The following EED variants were observed in gnomAD, a reference collection of about 807,000 sequenced individuals.
EED encodes polycomb protein EED.
Under a neutral mutation model 61.0 loss-of-function variants are expected in EED, and 9 were observed. The ratio of observed to expected loss-of-function variants is 0.15; its 90% CI spans 0.09 to 0.26. The LOEUF (loss-of-function observed/expected upper bound fraction) is 0.26. Ranked by LOEUF, EED falls within the 10% of genes least tolerant of loss-of-function variation. The pLI, the probability that EED is intolerant of heterozygous loss-of-function variation, is 1.00. For missense variants in EED, 315 were observed against 542.3 expected (o/e 0.58, Z 4.16); for synonymous variants, 187 against 174.4 (o/e 1.07, Z -0.57).
chr11:86,273,823 G>A (rs1319654133), intron 9 of EED, among the ~76,000 whole-genome samples: 1 of 152,176 alleles, frequency 6.6e-6, no homozygotes, highest in African/African-American at 2.4e-5. Context: ...CTGCTTTCAG[G>A]ATTGTTTTCT....
At chr11:86,269,663 C>T (rs545931407) in intron 9 of EED, among the ~76,000 whole-genome samples, 1 of 152,244 alleles carries the variant, frequency 6.6e-6, no homozygotes, top group South Asian at 2.1e-4. Context: ...AACTGTAATA[C>T]AATATCAAAT....
intron 2 of EED, 119 bp from the exon 3 acceptor site, chr11:86,252,029 G>T: frequency 5.1e-6 from 3 of 591,152 alleles, no homozygotes; most frequent in Non-Finnish European, 8.5e-6. Flanking sequence ...GTTAGCTTAT[G>T]TATGATACAC....
intron 4 of EED, 152 bp from the exon 5 acceptor site, chr11:86,256,235 C>A: frequency 3.2e-6 from 2 of 628,914 alleles, no homozygotes; most frequent in East Asian, 3.1e-5. Flanking sequence ...GGATTTTAGA[C>A]CTCAAATCAC....
intron 9 of EED, among the ~76,000 whole-genome samples, chr11:86,271,808 T>C (rs1946117687): frequency 6.6e-6 from 1 of 151,768 alleles, no homozygotes; most frequent in African/African-American, 2.4e-5. Context: ...TGAATATTGA[T>C]CCAGCCTTGG....
chr11:86,245,017 G>T lies in EED; in HGVS notation c.-213G>T, dbSNP rs1404769609. The T allele has an allele frequency of 4.2e-6, 2 of 472,146 alleles. No individual in the cohort carries two copies. Among genetic ancestry groups the T allele is most frequent in the South Asian group, 2.9e-5 (1 of 34,514 alleles). The allele number at this position is 472,146 out of a possible 1,614,324, so 29.2% of individuals were successfully genotyped here. ...GGGAAGGAGCCAGGAAGCCGCGCGG[G>T]AGGGCGCGCGCGCGCGCCCCTTTTT... On this transcript the variant is annotated 5_prime_UTR_variant, in exon 1 of 12. Transcript: ENST00000263360.
At chr11:86,256,186 T>C (rs1945668116) in intron 4 of EED, among the ~76,000 whole-genome samples, 1 of 152,148 alleles carries the variant, frequency 6.6e-6, no homozygotes, top group African/African-American at 2.4e-5. Context: ...TAAACAAAAT[T>C]GAGTGGAGAG....
chr11:86,284,628 C>G, the EED span: 5 of 152,220 alleles, frequency 3.3e-5, no homozygotes, highest in Non-Finnish European at 7.3e-5. Flanking sequence ...GTAAAGGATA[C>G]AGTGAGGATT....
intron 8 of EED, among the ~76,000 whole-genome samples, chr11:86,267,028 A>C (rs145152499): frequency 0.01 from 1,545 of 152,282 alleles, 8 homozygotes; most frequent in Non-Finnish European, 0.016. Context: ...TAAAAGTTTT[A>C]CCTTTCTCCT....
rs757786158 is a variant in EED at position 86,276,956 on chromosome 11, T to C, written c.967-24T>C. The stretch of plus-strand genomic sequence containing the variant: ...TTCAGTTCCTCATTAACATTTCTTT[T>C]TCTCATTTCTCTCTCTGTTTTAGTC... On this transcript the variant is annotated intron_variant, in intron 9 of 11. Transcript: ENST00000263360. 2.0e-6 allele frequency: 3 copies of C among 1,464,100 alleles called. No homozygotes were observed. In the East Asian group the frequency reaches 7.0e-5, roughly 34 times the overall value. 90.7% of individuals were successfully genotyped at this position (1,464,100 alleles called of 1,614,324 possible).
chr11:86,248,732 G>T (rs1273459069), intron 1 of EED, among the ~76,000 whole-genome samples: 1 of 151,828 alleles, frequency 6.6e-6, no homozygotes, highest in Non-Finnish European at 1.5e-5. Flanking sequence ...TGAAAAAAGA[G>T]TTGTGGCTGG....
chr11:86,285,468 CT>C, the EED span, among the ~76,000 whole-genome samples: 1 of 152,164 alleles, frequency 6.6e-6, no homozygotes, highest in East Asian at 1.9e-4. Flanking sequence ...AAGGTACTAA[CT>C]ATAAAGCTTT....
chr11:86,264,516 C>T (rs1945926380), intron 7 of EED: 1 of 320,320 alleles, frequency 3.1e-6, no homozygotes, highest in Non-Finnish European at 5.6e-6. Flanking sequence ...TATGATCTTG[C>T]TCCTTTCCTT....
chr11:86,262,838 AG>A (rs1322497685), intron 6 of EED, among the ~76,000 whole-genome samples: 1 of 148,470 alleles, frequency 6.7e-6, no homozygotes, highest in Non-Finnish European at 1.5e-5. Context: ...TTTTAAAGAC[AG>A]GGTTGGTCTC....
chr11:86,274,697 C>T (rs7105455), intron 9 of EED, among the ~76,000 whole-genome samples: 1 of 152,150 alleles, frequency 6.6e-6, no homozygotes, highest in African/African-American at 2.4e-5. Context: ...ACTGCCCCCC[C>T]TAGTGGTCTC....
intron 8 of EED, among the ~76,000 whole-genome samples, chr11:86,266,555 A>C (rs1164410928): frequency 6.6e-6 from 1 of 152,116 alleles, no homozygotes; most frequent in African/African-American, 2.4e-5. Flanking sequence ...AGGGAGAGTA[A>C]AGGACACTTT....
chr11:86,282,867 T>C (rs1305384322), downstream of EED, among the ~76,000 whole-genome samples: 1 of 152,130 alleles, frequency 6.6e-6, no homozygotes, highest in Non-Finnish European at 1.5e-5. Flanking sequence ...TAGTGGCTCA[T>C]GCTTGTAATC....
intron 11 of EED, 65 bp downstream of exon 11, chr11:86,278,056 GAGA>G: frequency 1.2e-5 from 17 of 1,421,188 alleles, no homozygotes; most frequent in Non-Finnish European, 1.6e-5. Context: ...TGCCAATGTA[GAGA>G]AGATCATTTA....
chr11:86,259,504 A>G (rs1945772217), intron 6 of EED, among the ~76,000 whole-genome samples: 1 of 151,974 alleles, frequency 6.6e-6, no homozygotes, highest in African/African-American at 2.4e-5. Flanking sequence ...TTTTGTAGAG[A>G]TGAGGTCTCC....
Position 86,278,009 on chromosome 11 carries a change from T to C in EED, c.1199+18T>C, listed in dbSNP as rs1345992449. The C allele has an allele frequency of 6.7e-7, 1 of 1,496,562 alleles. No homozygotes were observed. Among genetic ancestry groups the C allele is most frequent in the Non-Finnish European group, 8.9e-7 (1 of 1,128,792 alleles). 92.7% of individuals were successfully genotyped at this position (1,496,562 alleles called of 1,614,324 possible). On this transcript the variant is annotated intron_variant, in intron 11 of 11. Coordinates refer to ENST00000263360, the MANE Select transcript of EED (RefSeq NM_003797.5). Reference sequence around the variant, plus strand: ...AAAGCCAAGTAAGTATTTAGAAATTTCTGTTCAAAATTTCAGGCTTTTTCT... The same window carrying C: ...AAAGCCAAGTAAGTATTTAGAAATTCCTGTTCAAAATTTCAGGCTTTTTCT...
Sources: allele counts gnomAD v4.1 joint callset (sites outside exome capture counted in the v4.1 genomes callset), GRCh38; gene constraint gnomAD v4.1.1; transcripts MANE v1.5; gene names NCBI Gene and HGNC (gene_info 2026-07-23, HGNC 2026-07-21).